The following C1orf21 variants were observed in gnomAD, a reference collection of about 807,000 sequenced individuals.
C1orf21 encodes the protein chromosome 1 open reading frame 21, also known as uncharacterized protein C1orf21.
In C1orf21, 3 loss-of-function variants were observed where a neutral mutation model predicts 18.7. The observed-to-expected ratio is 0.16, with a 90% CI of 0.07 to 0.42. The LOEUF (loss-of-function observed/expected upper bound fraction) is 0.42. Among genes scored for constraint, C1orf21 ranks in the 10% least tolerant of loss-of-function variants. The probability of loss-of-function intolerance (pLI) is 0.99; values close to 1 mark genes in which losing one functional copy is unlikely to be tolerated. For missense variants in C1orf21, 104 were observed against 143.6 expected (o/e 0.72, Z 1.41); for synonymous variants, 41 against 46.4 (o/e 0.88, Z 0.47).
chr1:184,614,251 T>G (rs929387822), intron 5 of C1orf21, among the ~76,000 whole-genome samples: 11 of 152,250 alleles, frequency 7.2e-5, no homozygotes, highest in African/African-American at 2.7e-4. Context: ...GCTAAACACT[T>G]TCATGTATAT....
In C1orf21 at chr1:184,583,536, G is replaced by T. The variant is rs568199360; in HGVS notation, c.190-7203G>T. On this transcript the variant is annotated intron_variant, in intron 3 of 5. Transcript: ENST00000235307. ...GTCGACCCTGAGATAGCTCCACAGA[G>T]CCCCAAGGCTTAGGTTGAAAGCTGG... 2.1e-4 allele frequency among the ~76,000 whole-genome samples: 32 copies of T among 152,324 alleles called. No homozygotes were observed. In the South Asian group the frequency reaches 6.6e-3, roughly 32 times the overall value.
chr1:184,474,121 A>G (rs1657535478), intron 1 of C1orf21, among the ~76,000 whole-genome samples: 1 of 152,216 alleles, frequency 6.6e-6, no homozygotes, highest in Non-Finnish European at 1.5e-5. Context: ...CCTTCAAATG[A>G]GTAAATTACT....
chr1:184,597,317 T>C (rs964084705), intron 4 of C1orf21, among the ~76,000 whole-genome samples: 4 of 152,160 alleles, frequency 2.6e-5, no homozygotes, highest in Non-Finnish European at 4.4e-5. Flanking sequence ...GCTCACAGAT[T>C]TTAATGTTGC....
Position 184,528,856 on chromosome 1 carries a change from A to T in C1orf21, c.189+21174A>T, listed in dbSNP as rs572212366. 4.6e-5 allele frequency among the ~76,000 whole-genome samples: 7 copies of T among 152,306 alleles called. No individual in the cohort carries two copies. The East Asian group carries it at 1.4e-3, about 29-fold the overall frequency. Reference sequence around the variant, plus strand: ...CCTGTTTTTTGTTATTATATATTACATAATACTTCTGTAAGCATATTCCCA... The same window carrying T: ...CCTGTTTTTTGTTATTATATATTACTTAATACTTCTGTAAGCATATTCCCA... On this transcript the variant is annotated intron_variant, in intron 3 of 5. Transcript: ENST00000235307.
chr1:184,571,745 G>C lies in C1orf21; in HGVS notation c.190-18994G>C, dbSNP rs77607983. ...CATTAGATATTGGAACATAAGGGGG[G>C]AGTTTAAAAATATGTGGACTGCTCT... is the stretch of plus-strand genomic sequence containing the variant. On this transcript the variant is annotated intron_variant, in intron 3 of 5. Coordinates refer to ENST00000235307, the MANE Select transcript of C1orf21 (RefSeq NM_030806.4). 1.7e-4 allele frequency among the ~76,000 whole-genome samples: 26 copies of C among 152,242 alleles called. No homozygotes were observed. The East Asian group carries it at 4.6e-3, about 27-fold the overall frequency.
rs942502670 is a variant in C1orf21, at chr1:184,624,842, C to G, written c.*5286C>G. The G allele has an allele frequency of 6.6e-6, 1 of 152,242 alleles. No homozygotes were observed. The highest frequency in any genetic ancestry group is 1.5e-5 in the Non-Finnish European group (1 of 68,042). 9.4% of individuals were successfully genotyped at this position (152,242 alleles called of 1,614,324 possible). A position where few individuals can be genotyped will look rare whatever the true frequency, so the allele number is the denominator to read the frequency against. On this transcript the variant is annotated 3_prime_UTR_variant, in exon 6 of 6. Transcript: ENST00000235307. The stretch of plus-strand genomic sequence containing the variant: ...CTTCTTGCTTCTTGAATCACATCCT[C>G]TAAAGATGACTCATGTCTCCATAGC...
At chr1:184,557,802 G>A (rs1261965553) in intron 3 of C1orf21, among the ~76,000 whole-genome samples, 1 of 152,076 alleles carries the variant, frequency 6.6e-6, no homozygotes, top group East Asian at 1.9e-4. Flanking sequence ...GTTATTTTCA[G>A]TTATTTTGTT....
chr1:184,598,824 C>T (rs186807980), intron 5 of C1orf21, among the ~76,000 whole-genome samples: 24 of 152,272 alleles, frequency 1.6e-4, no homozygotes, highest in Admixed American at 8.5e-4. Flanking sequence ...TGAAACCTAT[C>T]GAGGGCCTAT....
At chr1:184,596,071 AGTG>A (rs1230237586) in intron 4 of C1orf21, among the ~76,000 whole-genome samples, 1 of 152,182 alleles carries the variant, frequency 6.6e-6, no homozygotes, top group African/African-American at 2.4e-5. Flanking sequence ...CCCTGTGATA[AGTG>A]CATTCTTGAT....
At chr1:184,614,101 T>C (rs1571302719) in intron 5 of C1orf21, among the ~76,000 whole-genome samples, 1 of 152,322 alleles carries the variant, frequency 6.6e-6, no homozygotes, top group Admixed American at 6.5e-5. Flanking sequence ...TTTGAGGATC[T>C]GAATGTGAAC....
chr1:184,515,425 C>G (rs1051442028), intron 3 of C1orf21, among the ~76,000 whole-genome samples: 1 of 152,128 alleles, frequency 6.6e-6, no homozygotes, highest in African/African-American at 2.4e-5. Flanking sequence ...TCTCTGAAGT[C>G]TGATTAACAG....
At chr1:184,430,560 A>G (rs148061701) in intron 1 of C1orf21, among the ~76,000 whole-genome samples, 2 of 152,342 alleles carry the variant, frequency 1.3e-5, no homozygotes, top group African/African-American at 4.8e-5. Context: ...ATTTGAATTT[A>G]TAGAATTTAT....
chr1:184,410,629 A>T lies in C1orf21; in HGVS notation c.-125+23261A>T, dbSNP rs1656321747. Among the ~76,000 whole-genome samples, 2 of 2,734 alleles carry T rather than the reference A, an allele frequency of 7.3e-4. 1 individual carries two copies. The highest frequency in any genetic ancestry group is 0.011 in the African/African-American group (2 of 184). The allele number at this position is 2,734 out of a possible 152,430, so 1.8% of individuals were successfully genotyped here. A position where few individuals can be genotyped will look rare whatever the true frequency, so the allele number is the denominator to read the frequency against. ...TTTGCCATATATATTATATATATAT[A>T]TATATATATATATATATATATATAT... On this transcript the variant is annotated intron_variant, in intron 1 of 5. Transcript: ENST00000235307.
chr1:184,491,590 A>C (rs193182199), intron 2 of C1orf21, among the ~76,000 whole-genome samples: 2 of 152,070 alleles, frequency 1.3e-5, no homozygotes, highest in African/African-American at 4.8e-5. Context: ...GAGCTCAAGC[A>C]ATCTGCCCAC....
At chr1:184,458,082 C>A (rs558585227) in intron 1 of C1orf21, among the ~76,000 whole-genome samples, 2 of 152,154 alleles carry the variant, frequency 1.3e-5, no homozygotes, top group African/African-American at 4.8e-5. Context: ...CATAGTAGAG[C>A]CTGATTCTAC....
chr1:184,444,092 A>C (rs550820635), intron 1 of C1orf21, among the ~76,000 whole-genome samples: 1 of 152,128 alleles, frequency 6.6e-6, no homozygotes, highest in Non-Finnish European at 1.5e-5. Flanking sequence ...CTGCCTCCCA[A>C]TGAAGACATT....
chr1:184,520,658 C>G (rs557993950), intron 3 of C1orf21, among the ~76,000 whole-genome samples: 3 of 152,306 alleles, frequency 2.0e-5, no homozygotes, highest in Non-Finnish European at 4.4e-5. Flanking sequence ...GTAAACCACC[C>G]ATAGCTAATG....
intron 3 of C1orf21, among the ~76,000 whole-genome samples, chr1:184,513,915 A>G (rs1557991220): frequency 6.6e-6 from 1 of 152,326 alleles, no homozygotes; most frequent in East Asian, 1.9e-4. Flanking sequence ...AGAATCTTAG[A>G]TGAGATGATG....
chr1:184,587,524 TTGTGTGTGTGTGTGTGTGTG>T (rs3034486), intron 3 of C1orf21, among the ~76,000 whole-genome samples: 1 of 139,722 alleles, frequency 7.2e-6, no homozygotes, highest in South Asian at 2.4e-4. Flanking sequence ...TTCCTAGGAA[TTGTGTGTGTGTGTGTGTGTG>T]TGTGTGTGTG....
Sources: allele counts gnomAD v4.1 joint callset (sites outside exome capture counted in the v4.1 genomes callset), GRCh38; gene constraint gnomAD v4.1.1; transcripts MANE v1.5; gene names NCBI Gene and HGNC (gene_info 2026-07-23, HGNC 2026-07-21).